NKAIN2: variants seen among roughly 807,000 people sequenced by gnomAD.
NKAIN2 encodes the protein sodium/potassium transporting ATPase interacting 2, also known as sodium/potassium-transporting ATPase subunit beta-1-interacting protein 2.
NKAIN2 carries 14 observed loss-of-function variants against 32.6 expected under a neutral mutation model. The ratio of observed to expected loss-of-function variants is 0.43; its 90% CI spans 0.28 to 0.67. NKAIN2 has a LOEUF of 0.67. Ranked by LOEUF, NKAIN2 falls within the 30% of genes least tolerant of loss-of-function variation. The pLI, the probability that NKAIN2 is intolerant of heterozygous loss-of-function variation, is 0.17. For synonymous variants in NKAIN2, 80 were observed against 87.2 expected (o/e 0.92, Z 0.46); for missense variants, 198 against 258.3 (o/e 0.77, Z 1.60).
chr6:123,909,589 T>C (rs1225317179), intron 1 of NKAIN2, among the ~76,000 whole-genome samples: 3 of 152,196 alleles, frequency 2.0e-5, no homozygotes, highest in Non-Finnish European at 4.4e-5. Flanking sequence ...TTCTTCTACC[T>C]AGAGCATTCT....
chr6:124,626,568 G>A (rs1554237628), intron 3 of NKAIN2, among the ~76,000 whole-genome samples: 1 of 152,136 alleles, frequency 6.6e-6, no homozygotes, highest in Non-Finnish European at 1.5e-5. Flanking sequence ...TATGTGTAAT[G>A]ACTCATGCTT....
At chr6:124,301,333 G>T (rs1231479392) in intron 2 of NKAIN2, among the ~76,000 whole-genome samples, 1 of 152,228 alleles carries the variant, frequency 6.6e-6, no homozygotes, top group Non-Finnish European at 1.5e-5. Flanking sequence ...GAAATGCCTG[G>T]ATGTCCAGGT....
rs75446708 is a variant in NKAIN2 at position 123,991,299 on chromosome 6, A to T, written c.54+187045A>T. 2.5e-3 allele frequency among the ~76,000 whole-genome samples: 376 copies of T among 152,322 alleles called. 1 individual carries two copies. The highest frequency in any genetic ancestry group is 8.6e-3 in the African/African-American group (356 of 41,578). On this transcript the variant is annotated intron_variant, in intron 1 of 6. Transcript: ENST00000368417. ...TATTTCCTGAAATGTTCCACACTTTAGAGCTGGTTCTGCTGATGAAAGTTG... is the reference window on the plus strand; with the variant it reads ...TATTTCCTGAAATGTTCCACACTTTTGAGCTGGTTCTGCTGATGAAAGTTG...
chr6:124,614,224 T>G (rs935301426), intron 3 of NKAIN2, among the ~76,000 whole-genome samples: 2 of 152,096 alleles, frequency 1.3e-5, no homozygotes, highest in African/African-American at 4.8e-5. Context: ...TGAAGCCCCA[T>G]CTCTACTAAA....
intron 4 of NKAIN2, among the ~76,000 whole-genome samples, chr6:124,671,608 T>C (rs1258840613): frequency 6.6e-6 from 1 of 152,092 alleles, no homozygotes; most frequent in Admixed American, 6.6e-5. Context: ...CTTCAGCTCT[T>C]ATTCTGATCA....
At chr6:123,992,478 GATGA>G (rs1779451687) in intron 1 of NKAIN2, among the ~76,000 whole-genome samples, 1 of 152,166 alleles carries the variant, frequency 6.6e-6, no homozygotes, top group Admixed American at 6.6e-5. Context: ...AGAATGAATG[GATGA>G]AAGTATTAAA....
intron 4 of NKAIN2, among the ~76,000 whole-genome samples, chr6:124,732,202 T>C (rs1449477986): frequency 6.6e-6 from 1 of 152,042 alleles, no homozygotes; most frequent in Non-Finnish European, 1.5e-5. Flanking sequence ...AGCCCTTCCT[T>C]TACCTTTTGA....
chr6:124,215,853 G>A (rs1027205649), intron 1 of NKAIN2, among the ~76,000 whole-genome samples: 4 of 152,084 alleles, frequency 2.6e-5, no homozygotes, highest in African/African-American at 7.2e-5. Context: ...TGCAGTGGCT[G>A]ACGCCTGTAA....
chr6:123,881,029 G>A (rs72613289), intron 1 of NKAIN2, among the ~76,000 whole-genome samples: 38,321 of 152,040 alleles, frequency 0.25, 5,333 homozygotes, highest in East Asian at 0.49. Context: ...CACAAATGGT[G>A]TACTGAGTTA....
chr6:124,057,399 G>A (rs1782705874), intron 1 of NKAIN2, among the ~76,000 whole-genome samples: 2 of 152,010 alleles, frequency 1.3e-5, no homozygotes, highest in African/African-American at 2.4e-5. Flanking sequence ...TTAAGAATTT[G>A]TTAACAACAA....
intron 4 of NKAIN2, among the ~76,000 whole-genome samples, chr6:124,747,133 T>C (rs1777485579): frequency 6.6e-6 from 1 of 151,950 alleles, no homozygotes; most frequent in Non-Finnish European, 1.5e-5. Context: ...ATTTCTTTAA[T>C]AATAGCCCTG....
At chr6:124,140,322 A>T (rs1430346478) in intron 1 of NKAIN2, among the ~76,000 whole-genome samples, 1 of 152,250 alleles carries the variant, frequency 6.6e-6, no homozygotes, top group African/African-American at 2.4e-5. Context: ...ACTGAAAAGC[A>T]TAAATTTATA....
intron 4 of NKAIN2, among the ~76,000 whole-genome samples, chr6:124,784,318 CAT>C (rs1384029737): frequency 6.6e-6 from 1 of 152,112 alleles, no homozygotes; most frequent in Non-Finnish European, 1.5e-5. Context: ...ACAGTCAAGA[CAT>C]AGAACAGTTT....
At chr6:124,488,550 T>C (rs1239034807) in intron 3 of NKAIN2, among the ~76,000 whole-genome samples, 2 of 152,048 alleles carry the variant, frequency 1.3e-5, no homozygotes, top group Non-Finnish European at 2.9e-5. Flanking sequence ...ATTTAACTTA[T>C]CATTTAACAC....
chr6:124,332,503 G>A (rs895821254), intron 2 of NKAIN2, among the ~76,000 whole-genome samples: 2 of 152,064 alleles, frequency 1.3e-5, no homozygotes, highest in African/African-American at 4.8e-5. Flanking sequence ...TACTGAATTT[G>A]ATCAACACAT....
intron 1 of NKAIN2, among the ~76,000 whole-genome samples, chr6:124,053,696 C>T (rs1298217697): frequency 2.0e-5 from 3 of 152,066 alleles, no homozygotes; most frequent in Non-Finnish European, 4.4e-5. Flanking sequence ...CTTCTGGAAA[C>T]AGTCTCCTTT....
At chr6:124,735,461 G>T (rs1464574335) in intron 4 of NKAIN2, among the ~76,000 whole-genome samples, 3 of 151,860 alleles carry the variant, frequency 2.0e-5, no homozygotes, top group Admixed American at 1.3e-4. Context: ...TTGTTATCAA[G>T]TACAGAGTTA....
intron 1 of NKAIN2, among the ~76,000 whole-genome samples, chr6:124,256,713 G>A (rs1056664572): frequency 6.6e-6 from 1 of 152,014 alleles, no homozygotes; most frequent in African/African-American, 2.4e-5. Flanking sequence ...TTAAGAGCCC[G>A]TATCTTGGCA....
At chr6:124,194,104 C>T (rs1430041894) in intron 1 of NKAIN2, among the ~76,000 whole-genome samples, 3 of 151,994 alleles carry the variant, frequency 2.0e-5, no homozygotes, top group Admixed American at 2.0e-4. Flanking sequence ...CCATGGGTGG[C>T]CATGGGTGGG....
Sources: gnomAD v4.1 joint callset for allele counts (sites outside exome capture counted in the v4.1 genomes callset) on GRCh38, gnomAD v4.1.1 for gene constraint, MANE v1.5 for transcripts, NCBI Gene and HGNC (gene_info 2026-07-23, HGNC 2026-07-21) for gene names.